The following SPOCK3 variants were observed in gnomAD, a reference collection of about 807,000 sequenced individuals.
SPOCK3 encodes testican-3.
A neutral mutation model predicts 56.6 loss-of-function variants in SPOCK3; 30 were observed. The observed-to-expected ratio is 0.53, with a 90% CI of 0.40 to 0.72. The LOEUF is 0.72. Among genes scored for constraint, SPOCK3 ranks in the 30% least tolerant of loss-of-function variants. The probability of loss-of-function intolerance (pLI) is 0.00; values close to 1 mark genes in which losing one functional copy is unlikely to be tolerated. For synonymous variants in SPOCK3, 196 were observed against 183.3 expected, an observed-to-expected ratio of 1.07 and a Z score of -0.56; for missense variants, 527 against 530.0, an observed-to-expected ratio of 0.99 and a Z score of 0.06.
chr4:167,147,025 G>T (rs1580433038), intron 2 of SPOCK3, among the ~76,000 whole-genome samples: 1 of 151,962 alleles, frequency 6.6e-6, no homozygotes, highest in Non-Finnish European at 1.5e-5. Context: ...TCCAGGAGTT[G>T]GTTTTTTGAA....
chr4:166,845,568 G>A (rs1472678401), intron 6 of SPOCK3, among the ~76,000 whole-genome samples: 2 of 152,106 alleles, frequency 1.3e-5, no homozygotes, highest in Non-Finnish European at 2.9e-5. Context: ...TGTAAACAAT[G>A]TCTCTAGGAG....
chr4:167,212,807 C>T (rs906913667), intron 2 of SPOCK3, among the ~76,000 whole-genome samples: 1 of 152,054 alleles, frequency 6.6e-6, no homozygotes, highest in African/African-American at 2.4e-5. Context: ...TACATTTTTC[C>T]AATTTGCTTA....
At chr4:166,742,400 G>A (rs541454404) in intron 8 of SPOCK3, among the ~76,000 whole-genome samples, 3 of 152,136 alleles carry the variant, frequency 2.0e-5, no homozygotes, top group East Asian at 1.9e-4. Context: ...ATACTTATAT[G>A]ATGAAAAATA....
At chr4:166,988,608 G>A (rs1747420139) in intron 4 of SPOCK3, among the ~76,000 whole-genome samples, 1 of 152,072 alleles carries the variant, frequency 6.6e-6, no homozygotes, top group African/African-American at 2.4e-5. Flanking sequence ...AAACAGCTGT[G>A]TGACTCTGGA....
chr4:167,228,949 C>T (rs374220551), intron 2 of SPOCK3, among the ~76,000 whole-genome samples: 13 of 152,040 alleles, frequency 8.6e-5, no homozygotes, highest in African/African-American at 3.1e-4. Context: ...AGAACTAAAC[C>T]CAGTGCCTGT....
At chr4:167,177,431 C>T (rs527928273) in intron 2 of SPOCK3, among the ~76,000 whole-genome samples, 1 of 152,064 alleles carries the variant, frequency 6.6e-6, no homozygotes, top group Non-Finnish European at 1.5e-5. Context: ...ACAAAGGGAA[C>T]GCCTATAGTT....
chr4:166,911,121 T>C (rs1041892043), intron 5 of SPOCK3, among the ~76,000 whole-genome samples: 3 of 152,142 alleles, frequency 2.0e-5, no homozygotes, highest in Non-Finnish European at 4.4e-5. Flanking sequence ...ATCAAGACCA[T>C]GTTGAAAGGA....
intron 5 of SPOCK3, among the ~76,000 whole-genome samples, chr4:166,908,350 A>C (rs1353177837): frequency 1.4e-5 from 2 of 145,050 alleles, no homozygotes; most frequent in Non-Finnish European, 3.0e-5. Context: ...CAATAATTTG[A>C]AGGGATGCAC....
intron 2 of SPOCK3, among the ~76,000 whole-genome samples, chr4:167,116,192 C>T (rs1580344378): frequency 6.6e-6 from 1 of 151,744 alleles, no homozygotes; most frequent in African/African-American, 2.4e-5. Flanking sequence ...TGTATGTGTA[C>T]AGACACATAC....
At chr4:166,765,626 C>A (rs1456190838) in intron 7 of SPOCK3, among the ~76,000 whole-genome samples, 1 of 152,168 alleles carries the variant, frequency 6.6e-6, no homozygotes, top group Non-Finnish European at 1.5e-5. Context: ...AGCGTGATGC[C>A]TCCAGCTTTG....
chr4:166,753,773 C>G lies in SPOCK3; in HGVS notation c.931+735G>C, dbSNP rs1234291595. On this transcript the variant is annotated intron_variant, in intron 8 of 10. Transcript: ENST00000357545. ...ATCAACATTACACTTACCATTGTTT[C>G]TTTAGTTTCTCAAAACTTTATCATA... Among the ~76,000 whole-genome samples the G allele has an allele frequency of 2.6e-5, 4 of 151,938 alleles. No individual in the cohort carries two copies. In the East Asian group the frequency reaches 7.7e-4, roughly 29 times the overall value.
At chr4:166,864,218 G>C (rs1731538290) in intron 6 of SPOCK3, among the ~76,000 whole-genome samples, 1 of 152,112 alleles carries the variant, frequency 6.6e-6, no homozygotes, top group Non-Finnish European at 1.5e-5. Flanking sequence ...AAATAATGAA[G>C]TTATTTGAAA....
chr4:166,751,769 G>T (rs28699632), intron 8 of SPOCK3, among the ~76,000 whole-genome samples: 49,678 of 151,874 alleles, frequency 0.33, 8,326 homozygotes, highest in Admixed American at 0.42. Context: ...GTAAGTAAAA[G>T]TAGACATACT....
At chr4:167,125,079 C>T (rs566994703) in intron 2 of SPOCK3, among the ~76,000 whole-genome samples, 1 of 151,942 alleles carries the variant, frequency 6.6e-6, no homozygotes. Context: ...TCGTCCCTTG[C>T]TTACTATATT....
At position 167,027,173 on chromosome 4, in the gene SPOCK3, T is replaced by G. The variant is rs546087916; in HGVS notation, c.236-26710A>C. ...GAAAAGATCAGGTTTTCTTCTAATATGACACTGTAACACCCTGAAAAATTT... is the reference window on the plus strand; with the variant it reads ...GAAAAGATCAGGTTTTCTTCTAATAGGACACTGTAACACCCTGAAAAATTT... On this transcript the variant is annotated intron_variant, in intron 3 of 10. Coordinates refer to ENST00000357545, the MANE Select transcript of SPOCK3 (RefSeq NM_001040159.2). 4.9e-4 allele frequency among the ~76,000 whole-genome samples: 74 copies of G among 152,130 alleles called. 1 individual carries two copies. The highest frequency in any genetic ancestry group is 5.3e-4 in the Non-Finnish European group (36 of 67,968).
At chr4:166,916,408 T>C (rs1221986875) in intron 4 of SPOCK3, among the ~76,000 whole-genome samples, 1 of 152,172 alleles carries the variant, frequency 6.6e-6, no homozygotes, top group African/African-American at 2.4e-5. Flanking sequence ...GATTTAACTT[T>C]CACTCTAGTC....
At chr4:166,892,919 C>T (rs762928006) in intron 5 of SPOCK3, among the ~76,000 whole-genome samples, 10 of 152,046 alleles carry the variant, frequency 6.6e-5, no homozygotes, top group East Asian at 1.9e-4. Context: ...GCAAACACTG[C>T]GACAGGCTGT....
chr4:166,750,706 C>T (rs2219235), intron 8 of SPOCK3, among the ~76,000 whole-genome samples: 120,192 of 152,088 alleles, frequency 0.79, 47,739 homozygotes, highest in South Asian at 0.82. Flanking sequence ...TAACAATGCA[C>T]TTTTATTTAC....
rs114476122 is a variant in SPOCK3, at chr4:167,068,213, A to G, written c.190-5676T>C. ...ATAAATATCAAAGAAAGCAAACAGT[A>G]AGGAATAATAGAACATCAGGGAAAA... is the stretch of plus-strand genomic sequence containing the variant. On this transcript the variant is annotated intron_variant, in intron 2 of 10. Transcript: ENST00000357545. 9.1e-3 allele frequency among the ~76,000 whole-genome samples: 1,382 copies of G among 151,828 alleles called. 10 individuals are homozygous for G. The highest frequency in any genetic ancestry group is 0.014 in the Non-Finnish European group (967 of 67,814).
Sources: allele counts gnomAD v4.1 joint callset (sites outside exome capture counted in the v4.1 genomes callset), GRCh38; gene constraint gnomAD v4.1.1; transcripts MANE v1.5; gene names NCBI Gene and HGNC (gene_info 2026-07-23, HGNC 2026-07-21).